Variants in GNAQ observed in about 807,000 individuals in gnomAD.
GNAQ encodes G protein subunit alpha q.
A neutral mutation model predicts 43.9 loss-of-function variants in GNAQ; 8 were observed. That is an observed-to-expected ratio of 0.18 (90% CI 0.11 to 0.33). The LOEUF (loss-of-function observed/expected upper bound fraction) is 0.33, where lower values mean the gene tolerates loss of function less well. GNAQ is among the 10% of genes least tolerant of loss of function. The pLI, the probability that GNAQ is intolerant of heterozygous loss-of-function variation, is 1.00. For synonymous variants in GNAQ, 155 were observed against 170.7 expected, an observed-to-expected ratio of 0.91 and a Z score of 0.71; for missense variants, 158 against 450.8, an observed-to-expected ratio of 0.35 and a Z score of 5.88.
chr9:77,865,123 C>G (rs1243395087), intron 2 of GNAQ, among the ~76,000 whole-genome samples: 1 of 152,132 alleles, frequency 6.6e-6, no homozygotes, highest in Non-Finnish European at 1.5e-5. Flanking sequence ...TGTCAGTAAT[C>G]TATGAATTTC....
intron 5 of GNAQ, among the ~76,000 whole-genome samples, chr9:77,742,103 G>T (rs1425805089): frequency 6.6e-6 from 1 of 152,128 alleles, no homozygotes; most frequent in East Asian, 1.9e-4. Context: ...TTTACTGTCT[G>T]CTTGAAAAAT....
chr9:77,761,487 G>T, intron 5 of GNAQ, among the ~76,000 whole-genome samples: 1 of 136,840 alleles, frequency 7.3e-6, no homozygotes. Flanking sequence ...CGCCCAGTCC[G>T]GGAGGGAGGT....
intron 3 of GNAQ, among the ~76,000 whole-genome samples, chr9:77,799,175 G>C (rs573690723): frequency 6.6e-6 from 1 of 152,198 alleles, no homozygotes; most frequent in African/African-American, 2.4e-5. Context: ...ATGGGGCACA[G>C]ACATGGCTTC....
intron 2 of GNAQ, among the ~76,000 whole-genome samples, chr9:77,833,229 A>C (rs1827330072): frequency 6.6e-6 from 1 of 152,096 alleles, no homozygotes; most frequent in African/African-American, 2.4e-5. Flanking sequence ...CAGCCTCCCA[A>C]AGTGCTGGGA....
intron 1 of GNAQ, among the ~76,000 whole-genome samples, chr9:78,002,844 C>T (rs1307079501): frequency 6.6e-6 from 1 of 152,134 alleles, no homozygotes; most frequent in African/African-American, 2.4e-5. Flanking sequence ...ACCTTTTCTC[C>T]CCACCTAAAT....
intron 1 of GNAQ, among the ~76,000 whole-genome samples, chr9:77,982,152 C>T (rs1003024907): frequency 2.0e-5 from 3 of 152,166 alleles, no homozygotes; most frequent in African/African-American, 7.2e-5. Flanking sequence ...GCATTTCATA[C>T]CCACTCATCA....
chr9:77,725,801 A>G (rs2118207202), intron 6 of GNAQ, among the ~76,000 whole-genome samples: 1 of 152,250 alleles, frequency 6.6e-6, no homozygotes, highest in African/African-American at 2.4e-5. Context: ...GCAACTGTGA[A>G]GTGTGGCTAG....
At chr9:77,786,430 A>C (rs896970839) in intron 5 of GNAQ, among the ~76,000 whole-genome samples, 1 of 152,112 alleles carries the variant, frequency 6.6e-6, no homozygotes, top group Non-Finnish European at 1.5e-5. Flanking sequence ...ACTAAGAGGT[A>C]GTGAAGAATT....
At chr9:77,758,947 TA>T (rs986640082) in intron 5 of GNAQ, among the ~76,000 whole-genome samples, 1 of 152,106 alleles carries the variant, frequency 6.6e-6, no homozygotes, top group African/African-American at 2.4e-5. Flanking sequence ...GCTGTATGTT[TA>T]AAAAAAATCA....
chr9:77,804,465 C>A (rs1056539165), intron 3 of GNAQ, among the ~76,000 whole-genome samples: 3 of 152,236 alleles, frequency 2.0e-5, no homozygotes, highest in African/African-American at 7.2e-5. Flanking sequence ...CCAGGAGTTT[C>A]AGGGTGTAAC....
At position 77,717,527 on chromosome 9, in the gene GNAQ, A is replaced by G. The variant is rs1032225981; in HGVS notation, c.*3796T>C. 15 of 232,236 alleles carry G rather than the reference A, an allele frequency of 6.5e-5. No homozygotes were observed. The highest frequency in any genetic ancestry group is 2.9e-4 in the African/African-American group (13 of 45,264). 14.4% of individuals were successfully genotyped at this position (232,236 alleles called of 1,614,324 possible). ...CTTCCCATTATTTATTTTTTTGCAA[A>G]TAAGTCATTTTGACCCAAATCCAGC... is the stretch of plus-strand genomic sequence containing the variant. On this transcript the variant is annotated 3_prime_UTR_variant, in exon 7 of 7. Transcript: ENST00000286548.
intron 5 of GNAQ, among the ~76,000 whole-genome samples, chr9:77,736,484 C>T (rs1382971312): frequency 6.6e-6 from 1 of 152,080 alleles, no homozygotes; most frequent in Non-Finnish European, 1.5e-5. Context: ...TATTTGAGAT[C>T]AAATTTGGCG....
rs980935611 is a variant in GNAQ at position 77,797,616 on chromosome 9, G to C, written c.509C>G (p.Pro170Arg). 6 of 1,613,518 alleles carry C rather than the reference G, an allele frequency of 3.7e-6. No homozygotes were observed. Among genetic ancestry groups the C allele is most frequent in the Non-Finnish European group, 5.1e-6 (6 of 1,179,496 alleles). Residue 170 changes from proline to arginine, a missense_variant, in exon 4 of 7, where the codon CCT becomes CGT. Coordinates refer to ENST00000286548, the MANE Select transcript of GNAQ (RefSeq NM_002072.5). Reference protein sequence around the residue: ...YLNDLDRVADPAYLPTQQDVL... With the variant: ...YLNDLDRVADRAYLPTQQDVL... The stretch of plus-strand genomic sequence containing the variant: ...ATCTTGTTGCGTAGGCAGGTAGGCA[G>C]GGTCAGCTACGCGGTCCAAGTCATT...
chr9:77,800,573 T>TG (rs1387996747), intron 3 of GNAQ, among the ~76,000 whole-genome samples: 1 of 151,760 alleles, frequency 6.6e-6, no homozygotes, highest in African/African-American at 2.4e-5. Flanking sequence ...GGGACTGCTG[T>TG]GGGGGGAGGG....
intron 1 of GNAQ, among the ~76,000 whole-genome samples, chr9:77,989,840 A>C (rs1054739480): frequency 6.6e-6 from 1 of 152,258 alleles, no homozygotes; most frequent in Non-Finnish European, 1.5e-5. Context: ...ATTACAGCTG[A>C]AAGTTTATTT....
At chr9:77,763,117 CAAA>C (rs1043866097) in intron 5 of GNAQ, among the ~76,000 whole-genome samples, 1 of 115,428 alleles carries the variant, frequency 8.7e-6, no homozygotes, top group Non-Finnish European at 1.8e-5. Flanking sequence ...TAAAAAAAAA[CAAA>C]AAAATAAACA....
intron 5 of GNAQ, among the ~76,000 whole-genome samples, chr9:77,760,980 C>A (rs1191177963): frequency 6.6e-6 from 1 of 151,244 alleles, no homozygotes; most frequent in East Asian, 2.0e-4. Context: ...GCAACCGCCC[C>A]GTCTGAGAAG....
chr9:77,747,237 A>G (rs189592607), intron 5 of GNAQ, among the ~76,000 whole-genome samples: 1 of 152,202 alleles, frequency 6.6e-6, no homozygotes, highest in Non-Finnish European at 1.5e-5. Flanking sequence ...TAATACATTT[A>G]TTTTATATTT....
intron 2 of GNAQ, among the ~76,000 whole-genome samples, chr9:77,863,680 T>C (rs1447078543): frequency 2.5e-5 from 2 of 80,884 alleles, no homozygotes; most frequent in Non-Finnish European, 6.8e-5. Flanking sequence ...ACTTGGCCAT[T>C]TATAAAAAAA....
Sources: gnomAD v4.1 joint callset for allele counts (sites outside exome capture counted in the v4.1 genomes callset) on GRCh38, gnomAD v4.1.1 for gene constraint, MANE v1.5 for transcripts, NCBI Gene and HGNC (gene_info 2026-07-23, HGNC 2026-07-21) for gene names.